The following DNAJB13 variants were observed in gnomAD, a reference collection of about 807,000 sequenced individuals.
DNAJB13 encodes the protein DnaJ heat shock protein family (Hsp40) member B13, also known as dnaJ homolog subfamily B member 13.
A neutral mutation model predicts 35.6 loss-of-function variants in DNAJB13; 22 were observed. The ratio of observed to expected loss-of-function variants is 0.62; its 90% confidence interval spans 0.44 to 0.88. DNAJB13 has a LOEUF of 0.88. DNAJB13 is among the 40% of genes least tolerant of loss of function. DNAJB13 has a pLI of 0.00. For missense variants in DNAJB13, 370 were observed against 384.3 expected (o/e 0.96, Z 0.31); for synonymous variants, 136 against 144.2 (o/e 0.94, Z 0.41).
chr11:73,957,659 G>A (rs543055561), intron 1 of DNAJB13, among the ~76,000 whole-genome samples: 1 of 152,206 alleles, frequency 6.6e-6, no homozygotes, highest in South Asian at 2.1e-4. Context: ...GACTGGGCAG[G>A]AACAGAAGTG....
At chr11:73,953,964 G>T (rs1950653358) in intron 1 of DNAJB13, among the ~76,000 whole-genome samples, 1 of 149,290 alleles carries the variant, frequency 6.7e-6, no homozygotes, top group Admixed American at 6.7e-5. Context: ...TCCAGCCTGG[G>T]CGACAGAGCG....
At position 73,964,817 on chromosome 11, in the gene DNAJB13, G is replaced by GCGCGCA. The variant is rs1554992130; in HGVS notation, c.335-56_335-55insACGCGC. On this transcript the variant is annotated intron_variant, in intron 3 of 7. Coordinates refer to ENST00000339764, the MANE Select transcript of DNAJB13 (RefSeq NM_153614.4). Reference sequence around the variant, plus strand: ...TGTGTGTGTGTGTGTGTGTGTGCGCGCGCGCGCATGTCTGGGTCTCTGGAT... The same window carrying GCGCGCA: ...TGTGTGTGTGTGTGTGTGTGTGCGCGCGCGCACGCGCGCATGTCTGGGTCTCTGGAT... 7.3e-5 allele frequency: 110 copies of GCGCGCA among 1,513,084 alleles called. 1 individual carries two copies. In the African/African-American group the frequency reaches 1.4e-3, roughly 19 times the overall value. 93.7% of individuals were successfully genotyped at this position (1,513,084 alleles called of 1,614,324 possible). A position where few individuals can be genotyped will look rare whatever the true frequency, so the allele number is the denominator to read the frequency against.
At chr11:73,963,878 C>T (rs925845582) in intron 3 of DNAJB13, 1 of 152,180 alleles carries the variant, frequency 6.6e-6, no homozygotes, top group Non-Finnish European at 1.5e-5. Context: ...GCTTCCACAT[C>T]TAGCGATGCG....
At chr11:73,953,321 C>G (rs914880417) in intron 1 of DNAJB13, among the ~76,000 whole-genome samples, 1 of 152,062 alleles carries the variant, frequency 6.6e-6, no homozygotes, top group Non-Finnish European at 1.5e-5. Flanking sequence ...GTCAGGAGAT[C>G]GAGACTGTAG....
chr11:73,966,824 A>G (rs1295001928), intron 5 of DNAJB13, among the ~76,000 whole-genome samples: 4 of 146,454 alleles, frequency 2.7e-5, no homozygotes, highest in Non-Finnish European at 4.5e-5. Context: ...GACTACAGGC[A>G]TGTGCCACCA....
At chr11:73,957,620 C>T (rs1950789311) in intron 1 of DNAJB13, among the ~76,000 whole-genome samples, 1 of 152,150 alleles carries the variant, frequency 6.6e-6, no homozygotes, top group Non-Finnish European at 1.5e-5. Flanking sequence ...GAGCCGTCTT[C>T]AGCAGAGATT....
At chr11:73,968,556 T>G in intron 6 of DNAJB13, 98 bp downstream of exon 6, 1 of 953,656 alleles carries the variant, frequency 1.0e-6, no homozygotes, top group East Asian at 2.6e-5. Flanking sequence ...CCACCTGCCA[T>G]CAGTCACTAA....
intron 3 of DNAJB13, among the ~76,000 whole-genome samples, chr11:73,961,311 T>C (rs1950926846): frequency 1.3e-5 from 2 of 151,936 alleles, no homozygotes; most frequent in Non-Finnish European, 2.9e-5. Flanking sequence ...AAAGAAATAA[T>C]CATTGAAAGG....
chr11:73,961,020 C>T (rs1222510492), intron 3 of DNAJB13, among the ~76,000 whole-genome samples: 2 of 152,146 alleles, frequency 1.3e-5, no homozygotes, highest in African/African-American at 4.8e-5. Context: ...GGTGTGGTGG[C>T]TCACTCCTAT....
At chr11:73,951,293 G>A (rs1024469030) in intron 1 of DNAJB13, among the ~76,000 whole-genome samples, 156 bp downstream of exon 1, 13 of 152,134 alleles carry the variant, frequency 8.5e-5, no homozygotes, top group African/African-American at 2.9e-4. Context: ...CTTTGGTCTG[G>A]GTCAGGGCCC....
rs768296643 is a variant in DNAJB13 at position 73,951,107 on chromosome 11, G to C, written c.38G>C (p.Arg13Pro). The C allele has an allele frequency of 1.9e-6, 3 of 1,614,110 alleles. No individual in the cohort carries two copies. The Admixed American group carries it at 5.0e-5, about 27-fold the overall frequency. Residue 13 changes from arginine to proline, a missense_variant, in exon 1 of 8, where the codon CGC becomes CCC. Physicochemically the swap from Arg to Pro is moderately radical, Grantham distance 103. Coordinates refer to ENST00000339764, the MANE Select transcript of DNAJB13 (RefSeq NM_153614.4). ...TATTACTCTGTGCTCGGGATCACTC[G>C]CAATTCAGAGGATGCCCAGATCAAG... ...QDYYSVLGIT[R>P]NSEDAQIKQA... is the part of the protein sequence containing the mutation.
intron 4 of DNAJB13, 149 bp from the exon 5 acceptor site, chr11:73,965,989 T>G (rs532006379): frequency 4.5e-5 from 32 of 714,638 alleles, no homozygotes; most frequent in African/African-American, 2.6e-4. Flanking sequence ...CTCTTCCCAT[T>G]GCTAGAGGAT....
At chr11:73,969,414 A>G in intron 7 of DNAJB13, 92 bp downstream of exon 7, 1 of 784,660 alleles carries the variant, frequency 1.3e-6, no homozygotes, top group Non-Finnish European at 2.2e-6. Context: ...GTAGAGTTGT[A>G]CAGGCTGCCC....
rs1951189993 is a variant in DNAJB13 at position 73,968,553 on chromosome 11, C to T, written c.720+95C>T. 11 of 965,700 alleles carry T rather than the reference C, an allele frequency of 1.1e-5. No homozygotes were observed. The Admixed American group carries it at 2.2e-4, about 20-fold the overall frequency. 59.8% of individuals were successfully genotyped at this position (965,700 alleles called of 1,614,324 possible). ...TGGCCTCCCCTCCCACAACCACCTG[C>T]CATCAGTCACTAAGCCCTGTGGATT... On this transcript the variant is annotated intron_variant, in intron 6 of 7. Transcript: ENST00000339764.
Position 73,954,029 on chromosome 11 carries a change from A to AT in DNAJB13, c.68+2893dup, listed in dbSNP as rs1565166802. On this transcript the variant is annotated intron_variant, in intron 1 of 7. Transcript: ENST00000339764. ...AATAATAATAATAATAATAATAATA[A>AT]TAATAATAATAATGGCTGGACACAG... 2.2e-3 allele frequency among the ~76,000 whole-genome samples: 315 copies of AT among 141,802 alleles called. 2 individuals carry two copies. Among genetic ancestry groups the AT allele is most frequent in the African/African-American group, 8.2e-3 (292 of 35,482 alleles). The allele number at this position is 141,802 out of a possible 152,430, so 93.0% of individuals were successfully genotyped here. A position where few individuals can be genotyped will look rare whatever the true frequency, so the allele number is the denominator to read the frequency against.
At chr11:73,955,560 C>T (rs774795919) in intron 1 of DNAJB13, among the ~76,000 whole-genome samples, 12 of 152,072 alleles carry the variant, frequency 7.9e-5, no homozygotes, top group East Asian at 2.0e-4. Flanking sequence ...CTGCCTGCCT[C>T]GGCCTCCCAA....
At chr11:73,969,854 T>TGAAGACTCCAGGTGAA in intron 7 of DNAJB13, 107 bp from the exon 8 acceptor site, 1 of 1,416,026 alleles carries the variant, frequency 7.1e-7, no homozygotes, top group Non-Finnish European at 9.5e-7. Context: ...AAGACTGCAG[T>TGAAGACTCCAGGTGAA]GACTGTCCCC....
intron 2 of DNAJB13, 125 bp from the exon 3 acceptor site, chr11:73,959,368 AG>A: frequency 9.4e-7 from 1 of 1,059,870 alleles, no homozygotes; most frequent in Non-Finnish European, 1.3e-6. Flanking sequence ...ACTGCCAGAC[AG>A]CAGGCACTTT....
In DNAJB13 at chr11:73,963,191, AAAAC is replaced by A. The variant is rs1390959478; in HGVS notation, c.335-1683_335-1680del. Among the ~76,000 whole-genome samples the A allele has an allele frequency of 5.3e-5, 8 of 152,006 alleles. No homozygotes were observed. The South Asian group carries it at 1.2e-3, about 24-fold the overall frequency. ...AAACAAACAAACAAACAAAAACAAA[AAAAC>A]AAAGCCAGGCACAGTGGTGCATGCC... is the stretch of plus-strand genomic sequence containing the variant. On this transcript the variant is annotated intron_variant, in intron 3 of 7. Transcript: ENST00000339764.
Sources: allele counts gnomAD v4.1 joint callset (sites outside exome capture counted in the v4.1 genomes callset), GRCh38; gene constraint gnomAD v4.1.1; transcripts MANE v1.5; gene names NCBI Gene and HGNC (gene_info 2026-07-23, HGNC 2026-07-21).